FMN1: variants seen among roughly 807,000 people sequenced by gnomAD.
The protein encoded by FMN1 is formin 1.
A neutral mutation model predicts 132.4 loss-of-function variants in FMN1; 110 were observed. The ratio of observed to expected loss-of-function variants is 0.83; its 90% CI spans 0.71 to 0.97. The LOEUF is 0.97. Ranked by LOEUF, FMN1 falls within the 50% of genes least tolerant of loss-of-function variation. The pLI is 0.00. For missense variants in FMN1, 1,792 were observed against 1,705.3 expected (o/e 1.05, Z -0.90); for synonymous variants, 722 against 651.7 (o/e 1.11, Z -1.64).
intron 4 of FMN1, chr15:33,151,433 CAT>C: frequency 6.6e-7 from 1 of 1,520,640 alleles, no homozygotes; most frequent in South Asian, 1.2e-5. Context: ...GCCAAAGGAA[CAT>C]GTGATCATCC....
rs537033776 is a variant in FMN1 at position 32,822,290 on chromosome 15, A to G, written c.3929-17958T>C. ...CGTGAACCCAGGAGGTGGAGGTTGCAGTGAGCCGAGATTGCAGCACTGCAC... is the reference window on the plus strand; with the variant it reads ...CGTGAACCCAGGAGGTGGAGGTTGCGGTGAGCCGAGATTGCAGCACTGCAC... On this transcript the variant is annotated intron_variant, in intron 17 of 20. Coordinates refer to ENST00000616417, the MANE Select transcript of FMN1 (RefSeq NM_001277313.2). 7.6e-3 allele frequency among the ~76,000 whole-genome samples: 1,164 copies of G among 152,334 alleles called. 13 individuals are homozygous for G. The highest frequency in any genetic ancestry group is 0.035 in the South Asian group (167 of 4,828).
At chr15:32,785,218 A>ATATATATATATTT (rs1444523400) in intron 19 of FMN1, among the ~76,000 whole-genome samples, 6 of 39,202 alleles carry the variant, frequency 1.5e-4, no homozygotes, top group East Asian at 5.2e-4. Context: ...ATATATATAT[A>ATATATATATATTT]TTTTTTTTTT....
intron 9 of FMN1, among the ~76,000 whole-genome samples, chr15:32,946,333 G>A (rs1349289010): frequency 1.3e-5 from 2 of 152,050 alleles, no homozygotes; most frequent in Admixed American, 6.6e-5. Flanking sequence ...AAGAGTGAGC[G>A]TCTACACCCA....
intron 8 of FMN1, among the ~76,000 whole-genome samples, chr15:32,964,854 C>A (rs1336193490): frequency 6.6e-6 from 1 of 152,090 alleles, no homozygotes; most frequent in Non-Finnish European, 1.5e-5. Context: ...ACAATACTAA[C>A]AACAAAAACC....
At chr15:33,096,813 G>A (rs1392966026) in intron 4 of FMN1, among the ~76,000 whole-genome samples, 1 of 152,090 alleles carries the variant, frequency 6.6e-6, no homozygotes, top group Non-Finnish European at 1.5e-5. Flanking sequence ...TTTTGCCCAG[G>A]CTAGTATCGA....
At chr15:33,100,433 G>A (rs912928093) in intron 4 of FMN1, among the ~76,000 whole-genome samples, 9 of 152,076 alleles carry the variant, frequency 5.9e-5, no homozygotes, top group African/African-American at 1.7e-4. Context: ...TCTGAAACGG[G>A]GGTTGACACC....
At chr15:33,089,252 T>C (rs2038818769) in intron 4 of FMN1, among the ~76,000 whole-genome samples, 1 of 152,208 alleles carries the variant, frequency 6.6e-6, no homozygotes, top group Non-Finnish European at 1.5e-5. Context: ...GGTCATTCTA[T>C]CTCAGCATGA....
chr15:32,981,042 T>C (rs1221463243), intron 7 of FMN1, among the ~76,000 whole-genome samples: 2 of 152,048 alleles, frequency 1.3e-5, no homozygotes, highest in Non-Finnish European at 2.9e-5. Context: ...TTTCTTATAA[T>C]TCATGTTTAA....
intron 19 of FMN1, among the ~76,000 whole-genome samples, chr15:32,785,009 T>C (rs2056804460): frequency 6.8e-6 from 1 of 148,118 alleles, no homozygotes; most frequent in East Asian, 1.9e-4. Flanking sequence ...TGCAATTAAC[T>C]TTTTTTGGAG....
rs1219740069 is a variant in FMN1, at chr15:32,776,851, T to C, written c.4199A>G (p.Asn1400Ser). 17 of 1,588,730 alleles carry C rather than the reference T, an allele frequency of 1.1e-5. No homozygotes were observed. Among genetic ancestry groups the C allele is most frequent in the African/African-American group, 1.3e-5 (1 of 74,574 alleles). The change falls in exon 20 of 21, where the codon AAT (asparagine) becomes AGT (serine). Residue 1400 changes from asparagine to serine, a missense_variant. Coordinates refer to ENST00000616417, the MANE Select transcript of FMN1 (RefSeq NM_001277313.2). ...SEKKVETKKI[N>S]PTASLKERLR... is the part of the protein sequence containing the mutation. ...ATATCTCACCAGGCTAGCAGTGGGA[T>C]TGATTTTCTTTGTCTCCACTTTCTT...
intron 3 of FMN1, among the ~76,000 whole-genome samples, chr15:33,176,352 A>G (rs1038142928): frequency 1.3e-5 from 2 of 152,046 alleles, no homozygotes; most frequent in Non-Finnish European, 2.9e-5. Context: ...CTAAAAATGC[A>G]AAAATTAGCC....
intron 6 of FMN1, among the ~76,000 whole-genome samples, chr15:33,011,283 A>G (rs983052342): frequency 1.3e-5 from 2 of 152,196 alleles, no homozygotes; most frequent in African/African-American, 4.8e-5. Flanking sequence ...TATGATAGAA[A>G]TAGCACTGAA....
At chr15:33,115,656 G>A (rs1042053117) in intron 4 of FMN1, among the ~76,000 whole-genome samples, 2 of 151,712 alleles carry the variant, frequency 1.3e-5, no homozygotes, top group African/African-American at 2.4e-5. Flanking sequence ...ACCTGCATCA[G>A]GTAATTGTCT....
At position 33,113,134 on chromosome 15, in the gene FMN1, A is replaced by G. The variant is rs183541301; in HGVS notation, c.1868-24160T>C. ...TCAATATGCTGTTTCAAATATCTGCATTTATTGGTGTAATTTGGATGCTTT... is the reference window on the plus strand; with the variant it reads ...TCAATATGCTGTTTCAAATATCTGCGTTTATTGGTGTAATTTGGATGCTTT... On this transcript the variant is annotated intron_variant, in intron 4 of 20. Coordinates refer to ENST00000616417, the MANE Select transcript of FMN1 (RefSeq NM_001277313.2). Among the ~76,000 whole-genome samples, 4 of 152,314 alleles carry G rather than the reference A, an allele frequency of 2.6e-5. No homozygotes were observed. The East Asian group carries it at 7.7e-4, about 29-fold the overall frequency.
intron 10 of FMN1, among the ~76,000 whole-genome samples, chr15:32,925,401 TCAGA>T (rs2060935196): frequency 1.3e-5 from 2 of 152,142 alleles, no homozygotes; most frequent in Non-Finnish European, 1.5e-5. Flanking sequence ...AGTCTCTAGA[TCAGA>T]CAGTTTATAG....
intron 17 of FMN1, among the ~76,000 whole-genome samples, chr15:32,812,632 C>G (rs1294885161): frequency 6.6e-6 from 1 of 152,220 alleles, no homozygotes; most frequent in African/African-American, 2.4e-5. Context: ...AGGTGCGCAA[C>G]AGACAGTTTA....
At chr15:32,984,469 G>C (rs146157511) in intron 7 of FMN1, among the ~76,000 whole-genome samples, 1 of 152,210 alleles carries the variant, frequency 6.6e-6, no homozygotes, top group Non-Finnish European at 1.5e-5. Flanking sequence ...TCTGTAAAAT[G>C]AGGATGATAA....
chr15:33,025,471 C>T (rs2035622457), intron 6 of FMN1, among the ~76,000 whole-genome samples: 1 of 152,112 alleles, frequency 6.6e-6, no homozygotes. Context: ...AATACTGTCA[C>T]ACAGGCCATG....
chr15:32,927,194 C>T (rs921058935), intron 9 of FMN1, among the ~76,000 whole-genome samples: 7 of 152,136 alleles, frequency 4.6e-5, no homozygotes, highest in African/African-American at 1.7e-4. Context: ...AGAGAGGTTA[C>T]TTCCTATTTG....
Sources: gnomAD v4.1 joint callset for allele counts (sites outside exome capture counted in the v4.1 genomes callset) on GRCh38, gnomAD v4.1.1 for gene constraint, MANE v1.5 for transcripts, NCBI Gene and HGNC (gene_info 2026-07-23, HGNC 2026-07-21) for gene names.